ADARB2: variants seen among roughly 807,000 people sequenced by gnomAD.
ADARB2 encodes the protein inactive double-stranded RNA-specific editase B2.
In ADARB2, 25 loss-of-function variants were observed where a neutral mutation model predicts 62.2. That is an observed-to-expected ratio of 0.40 (90% confidence interval 0.29 to 0.56). ADARB2 has a LOEUF of 0.56. ADARB2 is among the 20% of genes least tolerant of loss of function. ADARB2 has a pLI of 0.43. For synonymous variants in ADARB2, 572 were observed against 500.8 expected (o/e 1.14, Z -1.90); for missense variants, 1,071 against 1,077.4 (o/e 0.99, Z 0.08).
chr10:1,338,859 G>A (rs1214161402), intron 3 of ADARB2, among the ~76,000 whole-genome samples: 1 of 152,128 alleles, frequency 6.6e-6, no homozygotes, highest in Non-Finnish European at 1.5e-5. Context: ...TGCATGGGCT[G>A]GAGGGCAGGG....
At chr10:1,437,992 G>A (rs1166446181) in intron 1 of ADARB2, among the ~76,000 whole-genome samples, 2 of 152,228 alleles carry the variant, frequency 1.3e-5, no homozygotes, top group Admixed American at 6.5e-5. Context: ...GTTTACTCAT[G>A]AGAACCGCTT....
At chr10:1,433,291 G>C (rs1187902123) in intron 1 of ADARB2, among the ~76,000 whole-genome samples, 1 of 152,160 alleles carries the variant, frequency 6.6e-6, no homozygotes, top group Admixed American at 6.6e-5. Context: ...CATCTTGCAT[G>C]CATGGAAGTG....
At chr10:1,594,661 G>T (rs977904817) in intron 1 of ADARB2, among the ~76,000 whole-genome samples, 9 of 152,158 alleles carry the variant, frequency 5.9e-5, no homozygotes, top group Non-Finnish European at 1.3e-4. Context: ...CGTTTTCTTG[G>T]CTAAGCAAGG....
chr10:1,446,094 A>C (rs1253123219), intron 1 of ADARB2, among the ~76,000 whole-genome samples: 1 of 152,198 alleles, frequency 6.6e-6, no homozygotes, highest in Non-Finnish European at 1.5e-5. Flanking sequence ...GAGGTCATTA[A>C]GTTAATGCTT....
chr10:1,549,058 C>A (rs1163470721), intron 1 of ADARB2, among the ~76,000 whole-genome samples: 2 of 152,088 alleles, frequency 1.3e-5, no homozygotes, highest in Non-Finnish European at 2.9e-5. Context: ...AATCTGAAGA[C>A]GTCTGAGGGG....
chr10:1,436,315 T>C (rs1361226669), intron 1 of ADARB2, among the ~76,000 whole-genome samples: 1 of 152,226 alleles, frequency 6.6e-6, no homozygotes, highest in Non-Finnish European at 1.5e-5. Flanking sequence ...TTTTAAAAAT[T>C]CTTTTTGTAA....
At chr10:1,478,532 G>A (rs574937645) in intron 1 of ADARB2, among the ~76,000 whole-genome samples, 76 of 152,318 alleles carry the variant, frequency 5.0e-4, no homozygotes, top group African/African-American at 1.8e-3. Flanking sequence ...GATGAGCACC[G>A]TCACTAACTG....
At chr10:1,441,971 T>C (rs1218034702) in intron 1 of ADARB2, among the ~76,000 whole-genome samples, 1 of 152,178 alleles carries the variant, frequency 6.6e-6, no homozygotes, top group Non-Finnish European at 1.5e-5. Context: ...CAATTAACAA[T>C]GAAGAAACAA....
chr10:1,732,324 A>AC (rs1835244252), intron 1 of ADARB2, among the ~76,000 whole-genome samples: 1 of 121,188 alleles, frequency 8.3e-6, no homozygotes, highest in African/African-American at 3.0e-5. Context: ...CAAAAAAAAA[A>AC]AAAAAATTTC....
At chr10:1,727,439 C>T (rs1835180530) in intron 1 of ADARB2, among the ~76,000 whole-genome samples, 1 of 152,136 alleles carries the variant, frequency 6.6e-6, no homozygotes, top group African/African-American at 2.4e-5. Context: ...CCACAGCCTC[C>T]CCCGAAAATG....
At chr10:1,428,919 C>G (rs1329753903) in intron 1 of ADARB2, among the ~76,000 whole-genome samples, 2 of 151,834 alleles carry the variant, frequency 1.3e-5, no homozygotes, top group African/African-American at 2.4e-5. Flanking sequence ...ACAAGTCAAA[C>G]AGGAAATCTG....
At chr10:1,622,752 T>G (rs1833720218) in intron 1 of ADARB2, among the ~76,000 whole-genome samples, 2 of 152,320 alleles carry the variant, frequency 1.3e-5, no homozygotes, top group African/African-American at 4.8e-5. Context: ...ACAGCTACTT[T>G]GGAAAATTGT....
In ADARB2 at chr10:1,317,944, C is replaced by T. The variant is rs942364000; in HGVS notation, c.1077+45084G>A. On this transcript the variant is annotated intron_variant, in intron 3 of 9. Transcript: ENST00000381312. Reference sequence around the variant, plus strand: ...TACTCCCTACCAGTGCCCCTTTACTCGACCCTCCCTCAATCCCCGGTGTGA... The same window carrying T: ...TACTCCCTACCAGTGCCCCTTTACTTGACCCTCCCTCAATCCCCGGTGTGA... 1.2e-4 allele frequency among the ~76,000 whole-genome samples: 19 copies of T among 152,286 alleles called. No individual in the cohort carries two copies. The East Asian group carries it at 2.5e-3, about 20-fold the overall frequency.
At chr10:1,683,653 G>A (rs899861399) in intron 1 of ADARB2, among the ~76,000 whole-genome samples, 1 of 152,188 alleles carries the variant, frequency 6.6e-6, no homozygotes, top group Admixed American at 6.5e-5. Flanking sequence ...CCGAGTCAGA[G>A]CGGGTCATGG....
intron 1 of ADARB2, among the ~76,000 whole-genome samples, chr10:1,442,516 C>T (rs577060884): frequency 2.5e-4 from 38 of 152,156 alleles, no homozygotes; most frequent in Non-Finnish European, 3.7e-4. Context: ...AAATAGAAAA[C>T]CAGACATTTT....
At chr10:1,353,251 C>T (rs1212423615) in intron 3 of ADARB2, among the ~76,000 whole-genome samples, 2 of 152,140 alleles carry the variant, frequency 1.3e-5, no homozygotes, top group Admixed American at 6.5e-5. Context: ...TATTCTTTCC[C>T]ATTCTTAGGG....
intron 1 of ADARB2, among the ~76,000 whole-genome samples, chr10:1,419,882 GA>G (rs1345334165): frequency 2.0e-5 from 3 of 152,204 alleles, no homozygotes; most frequent in Admixed American, 2.0e-4. Flanking sequence ...GAATCAAAGT[GA>G]TTCAGTTCTG....
At chr10:1,511,580 T>G (rs566663975) in intron 1 of ADARB2, among the ~76,000 whole-genome samples, 1 of 152,120 alleles carries the variant, frequency 6.6e-6, no homozygotes, top group Non-Finnish European at 1.5e-5. Context: ...GAGGAAGGAT[T>G]GGCTGAGCAC....
chr10:1,227,131 C>G (rs1830755192), intron 6 of ADARB2, among the ~76,000 whole-genome samples: 1 of 152,274 alleles, frequency 6.6e-6, no homozygotes. Context: ...CCCAGCCTCA[C>G]TGCCGCCTTG....
Sources: gnomAD v4.1 joint callset for allele counts (sites outside exome capture counted in the v4.1 genomes callset) on GRCh38, gnomAD v4.1.1 for gene constraint, MANE v1.5 for transcripts, NCBI Gene and HGNC (gene_info 2026-07-23, HGNC 2026-07-21) for gene names.